PRAME: variants seen among roughly 807,000 people sequenced by gnomAD.
The protein encoded by PRAME is PRAME nuclear receptor transcriptional regulator.
In PRAME, 21 loss-of-function variants were observed where a neutral mutation model predicts 32.1. The observed-to-expected ratio is 0.65, with a 90% confidence interval of 0.46 to 0.94. PRAME has a LOEUF of 0.94. Ranked by LOEUF, PRAME falls within the 40% of genes least tolerant of loss-of-function variation. The pLI, the probability that PRAME is intolerant of heterozygous loss-of-function variation, is 0.00. For synonymous variants in PRAME, 274 were observed against 251.5 expected (o/e 1.09, Z -0.85); for missense variants, 651 against 622.3 (o/e 1.05, Z -0.49).
intron 3 of PRAME, among the ~76,000 whole-genome samples, chr22:22,554,936 T>C (rs1188560870): frequency 6.6e-6 from 1 of 151,896 alleles, no homozygotes; most frequent in Non-Finnish European, 1.5e-5. Flanking sequence ...CTGTGCAATC[T>C]CCCTGTGAGG....
chr22:22,555,589 G>T (rs940637792), intron 3 of PRAME, among the ~76,000 whole-genome samples: 1 of 151,706 alleles, frequency 6.6e-6, no homozygotes, highest in East Asian at 2.0e-4. Context: ...GACTGGTCTT[G>T]AACTCCTGGG....
intron 3 of PRAME, chr22:22,554,294 C>A (rs1300643690): frequency 1.3e-5 from 13 of 971,648 alleles, no homozygotes; most frequent in African/African-American, 3.5e-5. Context: ...GCTGGAATGT[C>A]TTGCGGCCTG....
chr22:22,550,976 C>A lies in PRAME; in HGVS notation c.135G>T (p.Leu45=), dbSNP rs765346717. The A allele has an allele frequency of 1.2e-6, 2 of 1,613,548 alleles. No homozygotes were observed. The highest frequency in any genetic ancestry group is 1.7e-6 in the Non-Finnish European group (2 of 1,179,904). The change falls in exon 4 of 6, where the codon CTG becomes CTT. Residue 45 remains leucine (L), a synonymous_variant. Coordinates refer to ENST00000405655, the MANE Select transcript of PRAME (RefSeq NM_206956.3). ...LKDEALAIAA[L]ELLPRELFPP... ...GGAAGAGCTCCCTGGGCAGCAACTCCAGGGCGGCAATGGCCAGGGCCTCAT... is the reference window on the plus strand; with the variant it reads ...GGAAGAGCTCCCTGGGCAGCAACTCAAGGGCGGCAATGGCCAGGGCCTCAT...
intron 5 of PRAME, among the ~76,000 whole-genome samples, chr22:22,549,250 T>C (rs1351207706): frequency 1.3e-5 from 2 of 151,968 alleles, no homozygotes; most frequent in Non-Finnish European, 2.9e-5. Flanking sequence ...ATTTCCCACC[T>C]ATTACCCTAA....
chr22:22,553,980 G>A, intron 3 of PRAME: 1 of 985,108 alleles, frequency 1.0e-6, no homozygotes, highest in East Asian at 1.1e-4. Context: ...GTTCTTTCTT[G>A]CCCCTAAGCT....
intron 3 of PRAME, chr22:22,555,995 T>C (rs2062890124): frequency 1.9e-4 from 3 of 15,616 alleles, no homozygotes; most frequent in South Asian, 1.1e-3. Flanking sequence ...GCATTAAGAT[T>C]TTTTTTTTTT....
chr22:22,551,069 G>A lies in PRAME; in HGVS notation c.42C>T (p.Tyr14=), dbSNP rs745913108. The part of the protein sequence containing the change: ...RRLWGSIQSR[Y]ISMSVWTSPR... The stretch of plus-strand genomic sequence containing the variant: ...GGCTTGTCCACACACTCATGCTGAT[G>A]TATCGGCTCTGAATGGAACCCTGAG... The change falls in exon 4 of 6, where the codon TAC becomes TAT. Residue 14 remains tyrosine, a synonymous_variant. Coordinates refer to ENST00000405655, the MANE Select transcript of PRAME (RefSeq NM_206956.3). 5.0e-6 allele frequency: 8 copies of A among 1,588,834 alleles called. No individual in the cohort carries two copies. The Admixed American group carries it at 5.1e-5, about 10-fold the overall frequency.
In PRAME at chr22:22,548,082, A is replaced by G; in HGVS notation, c.1515T>C (p.Cys505=). Residue 505 remains cysteine, a synonymous_variant, in exon 6 of 6, where the codon TGT becomes TGC. Coordinates refer to ENST00000405655, the MANE Select transcript of PRAME (RefSeq NM_206956.3). The stretch of plus-strand genomic sequence containing the variant: ...GTGCACCCAGCTAATTAGGCATGAA[A>G]CAGGGGCACAGGATGGGCTCCGGGT... ...FYDPEPILCP[C]FMPN is the part of the protein sequence containing the mutation. The G allele has an allele frequency of 6.2e-7, 1 of 1,610,716 alleles. No individual in the cohort carries two copies. The highest frequency in any genetic ancestry group is 8.5e-7 in the Non-Finnish European group (1 of 1,177,884).
At chr22:22,549,684 A>G in intron 5 of PRAME, 42 bp downstream of exon 5, 1 of 1,537,826 alleles carries the variant, frequency 6.5e-7, no homozygotes, top group East Asian at 2.3e-5. Context: ...GCAATAAGGA[A>G]GGGCTTGCTC....
At chr22:22,551,463 T>C (rs1251465905) in intron 3 of PRAME, among the ~76,000 whole-genome samples, 1 of 151,770 alleles carries the variant, frequency 6.6e-6, no homozygotes. Flanking sequence ...CAAATGGGAG[T>C]GTCACATAGC....
Position 22,552,922 on chromosome 22 carries a change from T to C in PRAME, c.22-1833A>G, listed in dbSNP as rs993974180. 7 of 470,714 alleles carry C rather than the reference T, an allele frequency of 1.5e-5. No homozygotes were observed. The Admixed American group carries it at 1.6e-4, about 11-fold the overall frequency. The allele number at this position is 470,714 out of a possible 1,614,324, so 29.2% of individuals were successfully genotyped here. ...CCCCTCTGAAGCTATTACAGGCCTT[T>C]CTGGGCATACCTCCCCTTTCAACTC... On this transcript the variant is annotated intron_variant, in intron 3 of 5. Transcript: ENST00000405655.
chr22:22,554,101 A>G (rs1452541753), intron 3 of PRAME: 2 of 852,328 alleles, frequency 2.3e-6, no homozygotes, highest in African/African-American at 5.3e-5. Flanking sequence ...TTCCGTCACA[A>G]AAAATTGAAG....
intron 3 of PRAME, chr22:22,552,952 C>A (rs964438973): frequency 3.4e-5 from 16 of 470,602 alleles, no homozygotes; most frequent in African/African-American, 3.2e-4. Context: ...CAACTCCACG[C>A]TGCCAACGGA....
At position 22,550,950 on chromosome 22, in the gene PRAME, G is replaced by C; in HGVS notation, c.161C>G (p.Pro54Arg). The change falls in exon 4 of 6, where the codon CCG (proline) becomes CGG (arginine). Residue 54 changes from proline to arginine, a missense_variant. Pro to Arg is a moderately radical substitution (Grantham distance 103, BLOSUM62 -2). Transcript: ENST00000405655. Reference sequence around the variant, plus strand: ...GTCAAAGGCTGCCATGAAGAGTGGCGGGAAGAGCTCCCTGGGCAGCAACTC... The same window carrying C: ...GTCAAAGGCTGCCATGAAGAGTGGCCGGAAGAGCTCCCTGGGCAGCAACTC... The part of the protein sequence containing the change: ...ALELLPRELF[P>R]PLFMAAFDGR... 6.2e-7 allele frequency: 1 copy of C among 1,613,652 alleles called. No homozygotes were observed. The highest frequency in any genetic ancestry group is 8.5e-7 in the Non-Finnish European group (1 of 1,179,942).
intron 3 of PRAME, chr22:22,553,849 G>A (rs2062745413): frequency 4.1e-6 from 4 of 985,058 alleles, no homozygotes; most frequent in South Asian, 9.4e-5. Flanking sequence ...ATGGTTAGGT[G>A]TCCTCTTCCA....
In PRAME at chr22:22,549,547, T is replaced by TA. The variant is rs1473783591; in HGVS notation, c.953+178dup. ...TATCCTAATGTATACCTCTAACCCT[T>TA]ATGAGTAGTAGTTATGTGATACCAT... On this transcript the variant is annotated intron_variant, in intron 5 of 5. Coordinates refer to ENST00000405655, the MANE Select transcript of PRAME (RefSeq NM_206956.3). 3.9e-5 allele frequency among the ~76,000 whole-genome samples: 6 copies of TA among 151,966 alleles called. No homozygotes were observed. In the East Asian group the frequency reaches 1.2e-3, roughly 30 times the overall value.
At chr22:22,558,782 C>T (rs914684490) in intron 1 of PRAME, among the ~76,000 whole-genome samples, 189 bp downstream of exon 1, 5 of 151,450 alleles carry the variant, frequency 3.3e-5, no homozygotes, top group Non-Finnish European at 7.4e-5. Context: ...CTGGCGACCT[C>T]CCTTTTCTTC....
At chr22:22,556,704 T>C in intron 3 of PRAME, 108 bp downstream of exon 3, 2 of 1,340,120 alleles carry the variant, frequency 1.5e-6, no homozygotes, top group Non-Finnish European at 2.1e-6. Context: ...TGCCTCTTCG[T>C]CTACTGTGAG....
At position 22,550,099 on chromosome 22, in the gene PRAME, A is replaced by G; in HGVS notation, c.580T>C (p.Tyr194His). The G allele has an allele frequency of 1.2e-6, 2 of 1,613,914 alleles. No homozygotes were observed. Among genetic ancestry groups the G allele is most frequent in the Non-Finnish European group, 1.7e-6 (2 of 1,179,966 alleles). The change falls in exon 5 of 6, where the codon TAC becomes CAC. Residue 194 changes from tyrosine (Y) to histidine (H), a missense_variant. Tyr to His is a moderately conservative substitution (Grantham distance 83, BLOSUM62 2). Coordinates refer to ENST00000405655, the MANE Select transcript of PRAME (RefSeq NM_206956.3). Reference sequence around the variant, plus strand: ...TTTCGCTTCACTTTCTCAATGAGGTAGGAGAACAATTCATCACAGGCACCT... The same window carrying G: ...TTTCGCTTCACTTTCTCAATGAGGTGGGAGAACAATTCATCACAGGCACCT... ...KEGACDELFS[Y>H]LIEKVKRKKN...
Sources: gnomAD v4.1 joint callset for allele counts (sites outside exome capture counted in the v4.1 genomes callset) on GRCh38, gnomAD v4.1.1 for gene constraint, MANE v1.5 for transcripts, NCBI Gene and HGNC (gene_info 2026-07-23, HGNC 2026-07-21) for gene names.